The following CPNE7 variants were observed in gnomAD, a reference collection of about 807,000 sequenced individuals.
CPNE7 encodes copine-7.
CPNE7 carries 78 observed loss-of-function variants against 66.5 expected under a neutral mutation model. The observed-to-expected ratio is 1.17, with a 90% CI of 0.98 to 1.42. CPNE7 has a LOEUF of 1.42. CPNE7 is among the 40% of genes most tolerant of loss of function. The probability of loss-of-function intolerance (pLI) is 0.00; values close to 1 mark genes in which losing one functional copy is unlikely to be tolerated. For synonymous variants in CPNE7, 468 were observed against 336.7 expected (o/e 1.39, Z -4.27); for missense variants, 1,012 against 776.6 (o/e 1.30, Z -3.60).
chr16:89,587,250 C>T (rs1597707083), intron 9 of CPNE7, 148 bp downstream of exon 9: 1 of 121,688 alleles, frequency 8.2e-6, no homozygotes. Flanking sequence ...CCCGCCCCTC[C>T]CGCCCCCTCA....
intron 13 of CPNE7, 48 bp downstream of exon 13, chr16:89,591,308 G>T (rs746626558): frequency 2.7e-6 from 4 of 1,501,950 alleles, no homozygotes; most frequent in East Asian, 4.7e-5. Context: ...GGTCGGCTGT[G>T]TGTGCACCAG....
At chr16:89,578,643 C>A (rs1214486628) in intron 2 of CPNE7, among the ~76,000 whole-genome samples, 1 of 150,376 alleles carries the variant, frequency 6.6e-6, no homozygotes, top group Non-Finnish European at 1.5e-5. Context: ...GCCTGTAATC[C>A]CAGCTACTCT....
At chr16:89,587,575 A>G (rs1229748358) in intron 9 of CPNE7, 2 of 425,982 alleles carry the variant, frequency 4.7e-6, no homozygotes, top group South Asian at 3.1e-5. Flanking sequence ...GAACGAGGAG[A>G]AACTGGAGTG....
In CPNE7 at chr16:89,584,151, C is replaced by T. The variant is rs778699288; in HGVS notation, c.507+49C>T. ...CTGGCTCAGGCTGAGGTCCGGGAAC[C>T]GGTTCGAAAACCCGGTCCCTGCCCA... On this transcript the variant is annotated intron_variant, in intron 4 of 14. Coordinates refer to ENST00000319518, the MANE Select transcript of CPNE7 (RefSeq NM_153636.3). This position sits in a 1 kb window ranked among gnomAD's most constrained non-coding sequence, Gnocchi z 6.0. 1.8e-5 allele frequency: 28 copies of T among 1,575,738 alleles called. No individual in the cohort carries two copies. The highest frequency in any genetic ancestry group is 9.3e-5 in the Admixed American group (5 of 53,758).
chr16:89,589,595 C>T (rs1346795067), intron 10 of CPNE7, among the ~76,000 whole-genome samples: 1 of 152,134 alleles, frequency 6.6e-6, no homozygotes, highest in Non-Finnish European at 1.5e-5. Context: ...GTTCCTTGGC[C>T]CCACAGGACC....
In CPNE7 at chr16:89,588,836, C is replaced by A. The variant is rs571575433; in HGVS notation, c.1061+28C>A. 4.1e-5 allele frequency: 66 copies of A among 1,608,644 alleles called. No individual in the cohort carries two copies. The East Asian group carries it at 1.4e-3, about 35-fold the overall frequency. On this transcript the variant is annotated intron_variant, in intron 10 of 14. Transcript: ENST00000319518. ...GCGCCCACCACCTTCCCCTCACCCC[C>A]TGGTCTCCAGGTCAGCTATGACAGG...
At position 89,595,627 on chromosome 16, in the gene CPNE7, T is replaced by C. The variant is rs780678860; in HGVS notation, c.1539+24T>C. The C allele has an allele frequency of 5.7e-6, 9 of 1,579,418 alleles. No homozygotes were observed. In the East Asian group the frequency reaches 1.8e-4, roughly 32 times the overall value. ...ACGTGAGTGTCCTGGAGGGGCTCCG[T>C]CAAGGCCGGCTTGGGGGTCCCTGTT... On this transcript the variant is annotated intron_variant, in intron 14 of 14. Coordinates refer to ENST00000319518, the MANE Select transcript of CPNE7 (RefSeq NM_153636.3).
chr16:89,579,241 G>A (rs941749626), intron 2 of CPNE7, among the ~76,000 whole-genome samples: 7 of 151,688 alleles, frequency 4.6e-5, no homozygotes, highest in East Asian at 1.9e-4. Context: ...TCAGCGAGCC[G>A]AGATCGCGCC....
At chr16:89,587,144 G>A in intron 9 of CPNE7, 42 bp downstream of exon 9, 1 of 1,253,040 alleles carries the variant, frequency 8.0e-7, no homozygotes. Flanking sequence ...CTCAGTCCGT[G>A]GCCCCGCCCC....
Position 89,596,593 on chromosome 16 carries a change from G to C in CPNE7, c.1649G>C (p.Gly550Ala). ...CCGAGAAGCCTGGGTGTCCCTGCCG[G>C]AGAGGCCAGCCCAGGCTGCACACCG... ...LPPRSLGVPA[G>A]EASPGCTP is the part of the protein sequence containing the mutation. The change falls in exon 15 of 15, where the codon GGA (glycine) becomes GCA (alanine). Residue 550 changes from glycine to alanine, a missense_variant. By Grantham distance (60) the Gly-to-Ala change is moderately conservative. Coordinates refer to ENST00000319518, the MANE Select transcript of CPNE7 (RefSeq NM_153636.3). The C allele has an allele frequency of 4.4e-6, 7 of 1,606,694 alleles. No homozygotes were observed. Among genetic ancestry groups the C allele is most frequent in the Non-Finnish European group, 5.9e-6 (7 of 1,179,402 alleles).
chr16:89,581,348 C>T (rs1426077043), intron 2 of CPNE7, among the ~76,000 whole-genome samples: 1 of 151,970 alleles, frequency 6.6e-6, no homozygotes, highest in Non-Finnish European at 1.5e-5. Flanking sequence ...CACGGAACAT[C>T]CCGTCACCCA....
rs751614658 is a variant in CPNE7, at chr16:89,583,784, C to T, written c.432+13C>T. 66 of 1,612,076 alleles carry T rather than the reference C, an allele frequency of 4.1e-5. No individual in the cohort carries two copies. The highest frequency in any genetic ancestry group is 3.1e-4 in the East Asian group (14 of 44,882). The stretch of plus-strand genomic sequence containing the variant: ...GTCCACCATCACGGTGAGACCCGGG[C>T]GCACCCCTGCAGCCTGCAGGCCCTG... On this transcript the variant is annotated intron_variant, in intron 3 of 14. Transcript: ENST00000319518.
At chr16:89,595,825 C>G (rs1019934670) in intron 14 of CPNE7, 15 of 676,796 alleles carry the variant, frequency 2.2e-5, no homozygotes, top group Non-Finnish European at 3.5e-5. Context: ...CGAATCTACA[C>G]AAAAGCAGAG....
chr16:89,589,919 G>C lies in CPNE7; in HGVS notation c.1084G>C (p.Gly362Arg). 5 of 1,613,796 alleles carry C rather than the reference G, an allele frequency of 3.1e-6. No individual in the cohort carries two copies. Among genetic ancestry groups the C allele is most frequent in the Non-Finnish European group, 4.2e-6 (5 of 1,179,988 alleles). ...CAGTGACAAGAGGTTTTCCGCTTTG[G>C]GGTTTGGAGCCCGGATCCCTCCCAA... ...YDSDKRFSALGFGARIPPKYE... is the reference protein window; with the variant it reads ...YDSDKRFSALRFGARIPPKYE... The change falls in exon 11 of 15, where the codon GGG becomes CGG. Residue 362 changes from glycine (G) to arginine (R), a missense_variant. Coordinates refer to ENST00000319518, the MANE Select transcript of CPNE7 (RefSeq NM_153636.3).
chr16:89,595,951 A>G (rs999406684), intron 14 of CPNE7: 42 of 520,534 alleles, frequency 8.1e-5, no homozygotes, highest in Non-Finnish European at 1.4e-4. Flanking sequence ...CGAGACACAC[A>G]CAGCACACAC....
Position 89,596,675 on chromosome 16 carries a change from GTC to G in CPNE7, c.*56_*57del. The G allele has an allele frequency of 6.7e-7, 1 of 1,492,224 alleles. No homozygotes were observed. Among genetic ancestry groups the G allele is most frequent in the East Asian group, 2.5e-5 (1 of 40,662 alleles). The allele number at this position is 1,492,224 out of a possible 1,614,324, so 92.4% of individuals were successfully genotyped here. ...TGAGGAATGGGTCCGTACAGCCTCTGTCTGCAACATGCTTGGGGTCCCTTAAG... is the reference window on the plus strand; with the variant it reads ...TGAGGAATGGGTCCGTACAGCCTCTGTGCAACATGCTTGGGGTCCCTTAAG... On this transcript the variant is annotated 3_prime_UTR_variant, in exon 15 of 15. Transcript: ENST00000319518.
chr16:89,585,800 G>A lies in CPNE7; in HGVS notation c.780+15G>A. The A allele has an allele frequency of 8.3e-7, 1 of 1,204,584 alleles. No homozygotes were observed. The highest frequency in any genetic ancestry group is 1.1e-6 in the Non-Finnish European group (1 of 884,126). 74.6% of individuals were successfully genotyped at this position (1,204,584 alleles called of 1,614,324 possible). On this transcript the variant is annotated intron_variant, in intron 7 of 14. Coordinates refer to ENST00000319518, the MANE Select transcript of CPNE7 (RefSeq NM_153636.3). Reference sequence around the variant, plus strand: ...AGGAGGGGCAGGTGAGCAGGACGGGGTAGGGGGTCCTCCAGGGAGGGTCAG... The same window carrying A: ...AGGAGGGGCAGGTGAGCAGGACGGGATAGGGGGTCCTCCAGGGAGGGTCAG...
Position 89,579,040 on chromosome 16 carries a change from C to T in CPNE7, c.357+1319C>T, listed in dbSNP as rs754377734. 9 of 1,473,160 alleles carry T rather than the reference C, an allele frequency of 6.1e-6. No individual in the cohort carries two copies. The African/African-American group carries it at 9.9e-5, about 16-fold the overall frequency. The allele number at this position is 1,473,160 out of a possible 1,614,324, so 91.3% of individuals were successfully genotyped here. On this transcript the variant is annotated intron_variant, in intron 2 of 14. Transcript: ENST00000319518. ...GCACGGTGGCTCACGCCTGTAATCG[C>T]AGCACTTTGGAAGTCCGAGGTGGGG...
At position 89,575,887 on chromosome 16, in the gene CPNE7, A is replaced by T; in HGVS notation, c.-11A>T. ...TCAGTGCGCCCAGCCGGGCCCCCGA[A>T]CGCCGGGAGCATGAGCGCGGGCTCG... is the stretch of plus-strand genomic sequence containing the variant. On this transcript the variant is annotated 5_prime_UTR_variant, in exon 1 of 15. Coordinates refer to ENST00000319518, the MANE Select transcript of CPNE7 (RefSeq NM_153636.3). 8.3e-7 allele frequency: 1 copy of T among 1,211,470 alleles called. No homozygotes were observed. 75.0% of individuals were successfully genotyped at this position (1,211,470 alleles called of 1,614,324 possible). A position where few individuals can be genotyped will look rare whatever the true frequency, so the allele number is the denominator to read the frequency against.
Sources: allele counts gnomAD v4.1 joint callset (sites outside exome capture counted in the v4.1 genomes callset), GRCh38; gene constraint gnomAD v4.1.1; non-coding constraint Gnocchi (gnomAD v3.1); transcripts MANE v1.5; gene names NCBI Gene and HGNC (gene_info 2026-07-23, HGNC 2026-07-21).